Variants in BPGM observed in about 807,000 individuals in gnomAD.
BPGM encodes the protein 2,3-bisphosphoglycerate mutase, erythrocyte.
BPGM carries 15 observed loss-of-function variants against 21.6 expected under a neutral mutation model. That is an observed-to-expected ratio of 0.70 (90% CI 0.47 to 1.07). The LOEUF is 1.07. BPGM is among the 50% of genes least tolerant of loss of function. BPGM has a pLI of 0.00. For synonymous variants in BPGM, 113 were observed against 116.2 expected (o/e 0.97, Z 0.18); for missense variants, 273 against 319.0 (o/e 0.86, Z 1.10).
chr7:134,669,448 G>C (rs887246460), intron 2 of BPGM, among the ~76,000 whole-genome samples: 1 of 151,118 alleles, frequency 6.6e-6, no homozygotes, highest in African/African-American at 2.4e-5. Context: ...AATTTCTTTA[G>C]CCTTAATTGG....
In BPGM at chr7:134,661,637, CA is replaced by C. The variant is rs763450865; in HGVS notation, c.132del (p.Gln44HisfsTer5). 4 of 1,614,122 alleles carry C rather than the reference CA, an allele frequency of 2.5e-6. No homozygotes were observed. Among genetic ancestry groups the C allele is most frequent in the Non-Finnish European group, 3.4e-6 (4 of 1,180,030 alleles). On this transcript the variant is annotated frameshift_variant, in exon 2 of 3. Transcript: ENST00000344924. LOFTEE classifies it high-confidence loss of function. The surrounding 1 kb of genome is among the most constrained non-coding windows in gnomAD (Gnocchi z 4.6). ...GGAGGAAGCTCGGAACTGTGGGAAG[CA>C]ACTCAAAGCGTTAAACTTTGAGTTT... ...GMEEARNCGK[Q>X]LKALNFEFDL...
chr7:134,671,783 C>T (rs1292703825), intron 2 of BPGM, among the ~76,000 whole-genome samples: 1 of 152,198 alleles, frequency 6.6e-6, no homozygotes. Flanking sequence ...AGCAGCCAAA[C>T]CATAAAAGTG....
chr7:134,663,022 G>A (rs896170685), intron 2 of BPGM, among the ~76,000 whole-genome samples: 6 of 152,112 alleles, frequency 3.9e-5, no homozygotes, highest in Non-Finnish European at 7.4e-5. Context: ...TGCTTTTTGC[G>A]TGATATGCCC....
intron 1 of BPGM, among the ~76,000 whole-genome samples, chr7:134,649,237 AT>A (rs1795518489): frequency 6.6e-6 from 1 of 151,658 alleles, no homozygotes. Context: ...TGATCTTCCT[AT>A]TTTTGTCCCC....
intron 2 of BPGM, among the ~76,000 whole-genome samples, chr7:134,673,947 G>A (rs889623454): frequency 7.8e-6 from 1 of 128,066 alleles, no homozygotes. Context: ...GAGTCTTGCT[G>A]TGTCACCCAG....
chr7:134,654,400 C>T (rs892457628), intron 1 of BPGM, among the ~76,000 whole-genome samples: 5 of 152,126 alleles, frequency 3.3e-5, no homozygotes, highest in Admixed American at 1.3e-4. Flanking sequence ...TGGTTCAGGG[C>T]ATAGATACAG....
At chr7:134,658,296 C>T (rs1219012125) in intron 1 of BPGM, 2 of 152,142 alleles carry the variant, frequency 1.3e-5, no homozygotes, top group East Asian at 3.8e-4. Flanking sequence ...CTAAGTCTTG[C>T]ATTCATCCTA....
chr7:134,652,311 C>G (rs1322996011), intron 1 of BPGM, among the ~76,000 whole-genome samples: 1 of 151,888 alleles, frequency 6.6e-6, no homozygotes, highest in African/African-American at 2.4e-5. Flanking sequence ...TGGCCTATAC[C>G]GTTTTTTAAA....
At chr7:134,649,530 C>G (rs1057469459) in intron 1 of BPGM, among the ~76,000 whole-genome samples, 33 of 114,918 alleles carry the variant, frequency 2.9e-4, no homozygotes, top group South Asian at 1.6e-3. Context: ...GTGTTTGAAC[C>G]GAATGGTTTC....
chr7:134,651,843 T>G (rs1364261630), intron 1 of BPGM, among the ~76,000 whole-genome samples: 2 of 152,212 alleles, frequency 1.3e-5, no homozygotes, highest in Admixed American at 6.5e-5. Context: ...TTCTTTGATT[T>G]GTTTATTGTC....
intron 2 of BPGM, among the ~76,000 whole-genome samples, chr7:134,667,588 A>T (rs1795839757): frequency 6.6e-6 from 1 of 152,224 alleles, no homozygotes; most frequent in Non-Finnish European, 1.5e-5. Context: ...ACTACTGTTA[A>T]GAATTGAATC....
At position 134,646,897 on chromosome 7, in the gene BPGM, G is replaced by GGCTGCTGCTGCTGCT. The variant is rs147174635; in HGVS notation, c.-91_-77dup. The GGCTGCTGCTGCTGCT allele has an allele frequency of 8.7e-4, 162 of 185,926 alleles. 4 individuals are homozygous for GGCTGCTGCTGCTGCT. The highest frequency in any genetic ancestry group is 2.9e-3 in the African/African-American group (124 of 42,220). The allele number at this position is 185,926 out of a possible 1,614,324, so 11.5% of individuals were successfully genotyped here. On this transcript the variant is annotated 5_prime_UTR_variant, in exon 1 of 3. Transcript: ENST00000344924. ...TGGCTCTTTGGCGGCTCGGAGGAGC[G>GGCTGCTGCTGCTGCT]GCTGCTGCTGCTGCTGCTGCTGCTG...
At position 134,661,496 on chromosome 7, in the gene BPGM, T is replaced by C; in HGVS notation, c.-12T>C. Reference sequence around the variant, plus strand: ...GCCCATTTGAAAACGCCTGGGAAGTTCAGCCATCAGTATGTCCAAGTACAA... The same window carrying C: ...GCCCATTTGAAAACGCCTGGGAAGTCCAGCCATCAGTATGTCCAAGTACAA... On this transcript the variant is annotated 5_prime_UTR_variant, in exon 2 of 3. Transcript: ENST00000344924. The surrounding 1 kb of genome is among the most constrained non-coding windows in gnomAD (Gnocchi z 4.6). 6.2e-7 allele frequency: 1 copy of C among 1,614,146 alleles called. No homozygotes were observed. Among genetic ancestry groups the C allele is most frequent in the Non-Finnish European group, 8.5e-7 (1 of 1,179,992 alleles).
chr7:134,678,523 G>A (rs146593770), intron 2 of BPGM, among the ~76,000 whole-genome samples: 37 of 152,308 alleles, frequency 2.4e-4, no homozygotes, highest in African/African-American at 8.7e-4. Context: ...CTGATTTTTC[G>A]AGATTACCTG....
intron 1 of BPGM, among the ~76,000 whole-genome samples, chr7:134,651,273 C>T (rs1795551070): frequency 6.6e-6 from 1 of 152,058 alleles, no homozygotes; most frequent in African/African-American, 2.4e-5. Context: ...GTTGGAAATA[C>T]AAGAAAAACT....
intron 1 of BPGM, among the ~76,000 whole-genome samples, chr7:134,654,002 C>T (rs1795596736): frequency 6.6e-6 from 1 of 152,056 alleles, no homozygotes; most frequent in African/African-American, 2.4e-5. Flanking sequence ...TAAACCTTGC[C>T]TTTCCAAATC....
At chr7:134,650,437 A>C (rs1428613839) in intron 1 of BPGM, among the ~76,000 whole-genome samples, 1 of 152,240 alleles carries the variant, frequency 6.6e-6, no homozygotes, top group Non-Finnish European at 1.5e-5. Context: ...AGAGGGTTTT[A>C]GTGTCTGGAA....
At chr7:134,648,006 C>T (rs1795488688) in intron 1 of BPGM, among the ~76,000 whole-genome samples, 1 of 151,928 alleles carries the variant, frequency 6.6e-6, no homozygotes, top group Non-Finnish European at 1.5e-5. Flanking sequence ...CCATGTTGGC[C>T]AGGGTGGTCT....
At chr7:134,649,366 T>A (rs1795520997) in intron 1 of BPGM, among the ~76,000 whole-genome samples, 1 of 152,188 alleles carries the variant, frequency 6.6e-6, no homozygotes, top group Non-Finnish European at 1.5e-5. Flanking sequence ...CAACTACTGT[T>A]AGTGTTTGGG....
Sources: gnomAD v4.1 joint callset for allele counts (sites outside exome capture counted in the v4.1 genomes callset) on GRCh38, gnomAD v4.1.1 for gene constraint, Gnocchi (gnomAD v3.1) non-coding constraint, MANE v1.5 for transcripts, NCBI Gene and HGNC (gene_info 2026-07-23, HGNC 2026-07-21) for gene names.